The following PIK3C2G variants were observed in gnomAD, a reference collection of about 807,000 sequenced individuals.
PIK3C2G encodes phosphatidylinositol-4-phosphate 3-kinase catalytic subunit type 2 gamma, also known as phosphatidylinositol 3-kinase C2 domain-containing subunit gamma.
In PIK3C2G, 168 loss-of-function variants were observed where a neutral mutation model predicts 181.1. The ratio of observed to expected loss-of-function variants is 0.93; its 90% CI spans 0.82 to 1.05. PIK3C2G has a LOEUF of 1.05. PIK3C2G is among the 50% of genes least tolerant of loss of function. PIK3C2G has a pLI of 0.00. For synonymous variants in PIK3C2G, 573 were observed against 592.2 expected (o/e 0.97, Z 0.47); for missense variants, 1,869 against 1,732.8 (o/e 1.08, Z -1.40).
intron 15 of PIK3C2G, 56 bp from the exon 16 acceptor site, chr12:18,399,603 A>G (rs1009697863): frequency 9.1e-7 from 1 of 1,097,110 alleles, no homozygotes; most frequent in African/African-American, 1.6e-5. Context: ...ATTTATAGCA[A>G]CATTTGTTAG....
intron 18 of PIK3C2G, among the ~76,000 whole-genome samples, chr12:18,455,138 C>T (rs1394257589): frequency 1.3e-5 from 2 of 152,186 alleles, no homozygotes; most frequent in Non-Finnish European, 2.9e-5. Flanking sequence ...AAGAATATAC[C>T]AGCAAGACCA....
intron 5 of PIK3C2G, among the ~76,000 whole-genome samples, chr12:18,294,591 A>G (rs570962769): frequency 6.6e-6 from 1 of 152,140 alleles, no homozygotes; most frequent in Admixed American, 6.5e-5. Context: ...TCAGTATATC[A>G]ACTTCAAATA....
At chr12:18,363,033 T>C (rs987806273) in intron 12 of PIK3C2G, 147 bp downstream of exon 12, 7 of 543,708 alleles carry the variant, frequency 1.3e-5, no homozygotes, top group African/African-American at 2.0e-5. Context: ...CTAGGGCTAA[T>C]AGATAACTGA....
At chr12:18,593,491 G>C (rs1230784032) in intron 29 of PIK3C2G, among the ~76,000 whole-genome samples, 2 of 151,862 alleles carry the variant, frequency 1.3e-5, no homozygotes, top group African/African-American at 2.4e-5. Flanking sequence ...AAAGCCATTG[G>C]ACAGAGTGAG....
At chr12:18,692,486 T>C in the PIK3C2G span, among the ~76,000 whole-genome samples, 2 of 152,132 alleles carry the variant, frequency 1.3e-5, no homozygotes, top group Non-Finnish European at 2.9e-5. Context: ...AAACAAATCT[T>C]AGACAACTGC....
intron 10 of PIK3C2G, among the ~76,000 whole-genome samples, chr12:18,345,511 G>T (rs569397104): frequency 6.6e-6 from 1 of 152,150 alleles, no homozygotes; most frequent in Non-Finnish European, 1.5e-5. Flanking sequence ...ATAGACAGAC[G>T]TACTGAGGCA....
intron 1 of PIK3C2G, among the ~76,000 whole-genome samples, chr12:18,254,372 G>T (rs1327982576): frequency 6.6e-6 from 1 of 152,082 alleles, no homozygotes; most frequent in Non-Finnish European, 1.5e-5. Flanking sequence ...TCTCGAAGAT[G>T]TGAATCTGTT....
chr12:18,705,303 G>T, the PIK3C2G span: 3 of 1,613,884 alleles, frequency 1.9e-6, no homozygotes, highest in South Asian at 3.3e-5. Flanking sequence ...AGCACCACTG[G>T]GTAGTCAGAT....
At chr12:18,570,697 CT>C (rs1945888323) in intron 29 of PIK3C2G, among the ~76,000 whole-genome samples, 1 of 150,010 alleles carries the variant, frequency 6.7e-6, no homozygotes, top group Non-Finnish European at 1.5e-5. Flanking sequence ...TGAATGGTGA[CT>C]GAAGTTAGTC....
intron 13 of PIK3C2G, among the ~76,000 whole-genome samples, chr12:18,378,700 A>G (rs143968299): frequency 0.029 from 4,356 of 152,332 alleles, 81 homozygotes; most frequent in Middle Eastern, 0.044. Context: ...AAAAGTGGGC[A>G]AAGGATATGA....
At chr12:18,480,056 A>G (rs1009236541) in intron 18 of PIK3C2G, among the ~76,000 whole-genome samples, 1 of 152,142 alleles carries the variant, frequency 6.6e-6, no homozygotes, top group Admixed American at 6.6e-5. Flanking sequence ...GGAGTTTTTG[A>G]CAAAGGAGAA....
rs549290397 is a variant in PIK3C2G at position 18,255,449 on chromosome 12, T to A, written c.-79+7367T>A. Among the ~76,000 whole-genome samples the A allele has an allele frequency of 3.3e-5, 5 of 152,270 alleles. No individual in the cohort carries two copies. In the East Asian group the frequency reaches 9.7e-4, roughly 29 times the overall value. ...CCGTGTAAACAAGACAAAATTTCTC[T>A]CACTTGTGTTTTTACTTTCTTTCTT... On this transcript the variant is annotated intron_variant, in intron 1 of 11. Transcript: ENST00000535651.
At chr12:18,710,838 A>C in the PIK3C2G span, among the ~76,000 whole-genome samples, 3 of 152,138 alleles carry the variant, frequency 2.0e-5, no homozygotes, top group Non-Finnish European at 2.9e-5. Context: ...AATGAGATGC[A>C]ATCTCACACC....
intron 16 of PIK3C2G, among the ~76,000 whole-genome samples, chr12:18,416,910 C>T (rs145793621): frequency 6.6e-6 from 1 of 152,222 alleles, no homozygotes; most frequent in East Asian, 1.9e-4. Context: ...AAATATGTTT[C>T]ATAAGCCTAC....
chr12:18,261,785 A>G (rs1333338597), intron 1 of PIK3C2G, among the ~76,000 whole-genome samples: 1 of 152,108 alleles, frequency 6.6e-6, no homozygotes, highest in East Asian at 1.9e-4. Flanking sequence ...ACCAGAAGAT[A>G]GATCTTTCCT....
chr12:18,247,355 G>T (rs1194252314), upstream of PIK3C2G, among the ~76,000 whole-genome samples: 7 of 152,182 alleles, frequency 4.6e-5, no homozygotes, highest in African/African-American at 2.4e-5. Context: ...GTTATCTGGG[G>T]TATGTGCCCT....
intron 1 of PIK3C2G, 22 bp from the exon 2 acceptor site, chr12:18,281,982 T>C: frequency 5.8e-6 from 4 of 686,556 alleles, no homozygotes; most frequent in Non-Finnish European, 9.9e-6. Flanking sequence ...ATATATTTTC[T>C]TTCATTTTAT....
chr12:18,308,392 A>G (rs1253984168), intron 5 of PIK3C2G, among the ~76,000 whole-genome samples: 1 of 151,936 alleles, frequency 6.6e-6, no homozygotes, highest in Non-Finnish European at 1.5e-5. Context: ...TCCATAAATT[A>G]TCTCTCTAAA....
intron 11 of PIK3C2G, among the ~76,000 whole-genome samples, chr12:18,362,552 T>G (rs983026239): frequency 6.6e-6 from 1 of 152,200 alleles, no homozygotes. Context: ...CATATTTTTC[T>G]CTCCATGAAT....
Sources: gnomAD v4.1 joint callset for allele counts (sites outside exome capture counted in the v4.1 genomes callset) on GRCh38, gnomAD v4.1.1 for gene constraint, MANE v1.5 for transcripts, NCBI Gene and HGNC (gene_info 2026-07-23, HGNC 2026-07-21) for gene names.